FAM153A: variants seen among roughly 807,000 people sequenced by gnomAD.
FAM153A encodes protein FAM153A.
A neutral mutation model predicts 48.1 loss-of-function variants in FAM153A; 12 were observed. The ratio of observed to expected loss-of-function variants is 0.25; its 90% CI spans 0.16 to 0.40. The LOEUF (loss-of-function observed/expected upper bound fraction) is 0.40. FAM153A is among the 10% of genes least tolerant of loss of function. The probability of loss-of-function intolerance (pLI) is 1.00; values close to 1 mark genes in which losing one functional copy is unlikely to be tolerated. For missense variants in FAM153A, 111 were observed against 345.8 expected, an observed-to-expected ratio of 0.32 and a Z score of 5.38; for synonymous variants, 36 against 118.2, an observed-to-expected ratio of 0.30 and a Z score of 4.51.
intron 14 of FAM153A, among the ~76,000 whole-genome samples, 187 bp downstream of exon 16, chr5:177,734,193 C>T (rs1428808000): frequency 8.7e-6 from 1 of 114,576 alleles, no homozygotes; most frequent in East Asian, 3.0e-4. Flanking sequence ...CAGCTGCTCC[C>T]GGGGACTGCA....
chr5:177,771,036 T>A (rs1769082290), intron 1 of FAM153A, among the ~76,000 whole-genome samples: 1 of 97,958 alleles, frequency 1.0e-5, no homozygotes, highest in Admixed American at 1.1e-4. Flanking sequence ...CAGGACACAG[T>A]GGTAACCCTA....
the FAM153A span, among the ~76,000 whole-genome samples, chr5:177,701,911 CTT>C: frequency 0.048 from 6,940 of 144,330 alleles, 457 homozygotes; most frequent in African/African-American, 0.14. Context: ...GCAAAGGTCA[CTT>C]TTTTTTTTTT....
chr5:177,717,011 C>T (rs1323879510), intron 24 of FAM153A, among the ~76,000 whole-genome samples: 1 of 110,562 alleles, frequency 9.0e-6, no homozygotes, highest in Non-Finnish European at 1.9e-5. Context: ...AGAGTCTGGT[C>T]TCAAACTTCT....
the FAM153A span, among the ~76,000 whole-genome samples, chr5:177,702,238 A>G: frequency 6.6e-6 from 1 of 151,744 alleles, no homozygotes; most frequent in East Asian, 1.9e-4. Flanking sequence ...CTTAGCAAAG[A>G]ACCTGGGTGC....
downstream of FAM153A, among the ~76,000 whole-genome samples, chr5:177,704,843 A>T (rs1312769438): frequency 6.6e-6 from 1 of 151,344 alleles, no homozygotes; most frequent in Non-Finnish European, 1.5e-5. Flanking sequence ...CTACTAAAAT[A>T]CAAAAAATCA....
chr5:177,706,359 G>A (rs1757889943), downstream of FAM153A, among the ~76,000 whole-genome samples: 2 of 151,306 alleles, frequency 1.3e-5, no homozygotes, highest in Non-Finnish European at 2.9e-5. Context: ...ACCAAGCCTG[G>A]CTACTTTTTT....
At chr5:177,725,638 G>A (rs552075493) in intron 18 of FAM153A, among the ~76,000 whole-genome samples, 10,956 of 151,096 alleles carry the variant, frequency 0.073, 182 homozygotes, top group Non-Finnish European at 0.083. Flanking sequence ...CTGACACAGA[G>A]AACAATCTGG....
Position 177,739,109 on chromosome 5 carries a change from A to T in FAM153A, c.562+4T>A. On this transcript the variant is annotated splice_donor_region_variant and intron_variant, in intron 10 of 20. Transcript: ENST00000614127. The stretch of plus-strand genomic sequence containing the variant: ...TAGCAAAAAGGTGATCCCAGAATAC[A>T]TACCGTTGGTTTGGGTGCCTGCGTC... 6.2e-7 allele frequency: 1 copy of T among 1,610,184 alleles called. No individual in the cohort carries two copies. Among genetic ancestry groups the T allele is most frequent in the Non-Finnish European group, 8.5e-7 (1 of 1,179,858 alleles).
chr5:177,716,225 A>C (rs2127568354), intron 25 of FAM153A: 1 of 150,228 alleles, frequency 6.7e-6, no homozygotes, highest in South Asian at 2.1e-4. Flanking sequence ...CTCATGATCC[A>C]CCCACCCCAG....
intron 10 of FAM153A, 142 bp from the exon 13 acceptor site, chr5:177,737,254 G>C (rs1347681556): frequency 1.3e-6 from 2 of 1,581,096 alleles, no homozygotes; most frequent in Admixed American, 1.8e-5. Flanking sequence ...CATCCTCCAT[G>C]GTGGAGGGAA....
At chr5:177,707,258 T>C (rs1757954214), downstream of FAM153A, among the ~76,000 whole-genome samples, 1 of 151,874 alleles carries the variant, frequency 6.6e-6, no homozygotes, top group South Asian at 2.1e-4. Context: ...TCACAGAACA[T>C]TCTCCAGGAT....
intron 12 of FAM153A, among the ~76,000 whole-genome samples, chr5:177,735,367 A>G (rs2127642835): frequency 8.9e-6 from 1 of 112,348 alleles, no homozygotes; most frequent in East Asian, 2.8e-4. Flanking sequence ...ACTTTCTGGT[A>G]CAAGGCAAAT....
intron 18 of FAM153A, among the ~76,000 whole-genome samples, chr5:177,725,897 A>AAAGCC (rs1762368745): frequency 6.6e-6 from 1 of 151,902 alleles, no homozygotes; most frequent in Admixed American, 6.5e-5. Flanking sequence ...CTCTCCAGTG[A>AAAGCC]AAGCCAATTT....
upstream of FAM153A, among the ~76,000 whole-genome samples, chr5:177,757,955 A>T (rs1158424343): frequency 6.6e-6 from 1 of 151,968 alleles, no homozygotes; most frequent in Non-Finnish European, 1.5e-5. Context: ...CCTCTTCAAC[A>T]TAGTGTTGGA....
At chr5:177,725,890 T>C (rs1163214076) in intron 18 of FAM153A, among the ~76,000 whole-genome samples, 1 of 151,936 alleles carries the variant, frequency 6.6e-6, no homozygotes, top group Non-Finnish European at 1.5e-5. Flanking sequence ...CTTGGGCCTC[T>C]CCAGTGAAAG....
chr5:177,746,747 C>T (rs1002561567), intron 4 of FAM153A, among the ~76,000 whole-genome samples: 2 of 151,468 alleles, frequency 1.3e-5, no homozygotes, highest in Non-Finnish European at 2.9e-5. Flanking sequence ...CAGGTGGGGG[C>T]GCTGACCCTC....
In FAM153A at chr5:177,753,090, A is replaced by T. The variant is rs1182634180; in HGVS notation, c.31+86T>A. On this transcript the variant is annotated intron_variant, in intron 1 of 20. Transcript: ENST00000614127. ...TAGACAAATAGGAGCTGGGGAAATT[A>T]AAAAAATCAGAATGACATTTAACAT... The T allele has an allele frequency of 3.1e-5, 31 of 1,004,410 alleles. 1 individual carries two copies. The highest frequency in any genetic ancestry group is 2.3e-4 in the Admixed American group (10 of 42,926). 62.2% of individuals were successfully genotyped at this position (1,004,410 alleles called of 1,614,324 possible).
intron 6 of FAM153A, among the ~76,000 whole-genome samples, chr5:177,743,604 C>T (rs1299621392): frequency 3.9e-5 from 1 of 25,848 alleles, no homozygotes; most frequent in Non-Finnish European, 8.3e-5. Flanking sequence ...AGTTTCCCAG[C>T]AGAACTCGCT....
chr5:177,737,966 G>A (rs1013275696), intron 10 of FAM153A, among the ~76,000 whole-genome samples: 4 of 151,692 alleles, frequency 2.6e-5, no homozygotes, highest in Admixed American at 2.0e-4. Flanking sequence ...ATTTAAAGAT[G>A]ACTGCTACTT....
Sources: allele counts gnomAD v4.1 joint callset (sites outside exome capture counted in the v4.1 genomes callset), GRCh38; gene constraint gnomAD v4.1.1; transcripts MANE v1.5; gene names NCBI Gene and HGNC (gene_info 2026-07-23, HGNC 2026-07-21).